CNTNAP2: variants seen among roughly 807,000 people sequenced by gnomAD.
The protein encoded by CNTNAP2 is contactin associated protein 2.
In CNTNAP2, 98 loss-of-function variants were observed where a neutral mutation model predicts 155.2. The observed-to-expected ratio is 0.63, with a 90% CI of 0.54 to 0.75. The LOEUF is 0.75. Among genes scored for constraint, CNTNAP2 ranks in the 30% least tolerant of loss-of-function variants. The pLI is 0.00. For missense variants in CNTNAP2, 1,727 were observed against 1,688.1 expected, an observed-to-expected ratio of 1.02 and a Z score of -0.40; for synonymous variants, 651 against 631.2, an observed-to-expected ratio of 1.03 and a Z score of -0.47.
At chr7:147,603,163 T>C (rs1800988850) in intron 12 of CNTNAP2, among the ~76,000 whole-genome samples, 1 of 151,724 alleles carries the variant, frequency 6.6e-6, no homozygotes, top group Admixed American at 6.6e-5. Context: ...TCCTGACTTT[T>C]TAATGATTGC....
chr7:147,531,175 G>T (rs1289000354), intron 11 of CNTNAP2, among the ~76,000 whole-genome samples: 2 of 152,182 alleles, frequency 1.3e-5, no homozygotes, highest in African/African-American at 2.4e-5. Flanking sequence ...GGAGTTGAGT[G>T]TCTGTGGCTT....
At chr7:146,914,558 A>T (rs1322500406) in intron 3 of CNTNAP2, among the ~76,000 whole-genome samples, 1 of 151,990 alleles carries the variant, frequency 6.6e-6, no homozygotes, top group East Asian at 1.9e-4. Flanking sequence ...AGTGATGTTG[A>T]GTATTTTTTC....
intron 14 of CNTNAP2, among the ~76,000 whole-genome samples, chr7:147,921,950 A>G (rs1211743192): frequency 6.6e-6 from 1 of 152,184 alleles, no homozygotes; most frequent in Non-Finnish European, 1.5e-5. Flanking sequence ...TAGAGCACAC[A>G]TTTTGCAAAT....
chr7:146,995,077 G>A (rs1293336091), intron 3 of CNTNAP2, among the ~76,000 whole-genome samples: 2 of 152,022 alleles, frequency 1.3e-5, no homozygotes, highest in African/African-American at 4.8e-5. Context: ...ATATGAGTGA[G>A]ATCATGTGAC....
At chr7:147,818,530 T>C (rs1348737492) in intron 13 of CNTNAP2, among the ~76,000 whole-genome samples, 2 of 152,190 alleles carry the variant, frequency 1.3e-5, no homozygotes, top group Admixed American at 1.3e-4. Context: ...AGATCTCCCA[T>C]GGGTGTCCTA....
At chr7:146,647,114 A>G (rs1420458116) in intron 1 of CNTNAP2, among the ~76,000 whole-genome samples, 1 of 152,170 alleles carries the variant, frequency 6.6e-6, no homozygotes, top group East Asian at 1.9e-4. Flanking sequence ...CAATGGGTGA[A>G]GGGATAACAA....
chr7:146,395,816 GATAGATA>G (rs1795614887), intron 1 of CNTNAP2, among the ~76,000 whole-genome samples: 1 of 141,242 alleles, frequency 7.1e-6, no homozygotes, highest in South Asian at 2.2e-4. Context: ...TAGATAGATA[GATAGATA>G]GAGGAGAGAG....
At position 148,415,619 on chromosome 7, in the gene CNTNAP2, G is replaced by T; in HGVS notation, c.*3G>T. 1 of 1,614,130 alleles carries T rather than the reference G, an allele frequency of 6.2e-7. No individual in the cohort carries two copies. Among genetic ancestry groups the T allele is most frequent in the South Asian group, 1.1e-5 (1 of 91,078 alleles). ...GCAAAAAGGAATGGCTCATTTGAGG[G>T]GTGGCTACTTGGCTATGGGATAGGG... On this transcript the variant is annotated 3_prime_UTR_variant, in exon 24 of 24. Transcript: ENST00000361727.
chr7:148,239,106 G>A (rs1167707785), intron 20 of CNTNAP2, among the ~76,000 whole-genome samples: 1 of 152,136 alleles, frequency 6.6e-6, no homozygotes, highest in African/African-American at 2.4e-5. Context: ...ATCTACTCTG[G>A]ATGATAAACT....
chr7:146,308,421 G>C (rs572572753), intron 1 of CNTNAP2, among the ~76,000 whole-genome samples: 2 of 152,112 alleles, frequency 1.3e-5, no homozygotes, highest in South Asian at 2.1e-4. Context: ...ACAGTGTGGC[G>C]ATTCCTCAGG....
chr7:146,441,574 T>C (rs1425494197), intron 1 of CNTNAP2, among the ~76,000 whole-genome samples: 1 of 151,502 alleles, frequency 6.6e-6, no homozygotes, highest in Non-Finnish European at 1.5e-5. Flanking sequence ...ATGAGTTCAT[T>C]GGCCTAAACC....
At chr7:147,581,503 G>A (rs978238906) in intron 12 of CNTNAP2, among the ~76,000 whole-genome samples, 6 of 152,156 alleles carry the variant, frequency 3.9e-5, no homozygotes, top group Non-Finnish European at 5.9e-5. Context: ...ACATAGCATG[G>A]CAAAATGAGT....
intron 12 of CNTNAP2, among the ~76,000 whole-genome samples, chr7:147,623,072 T>C (rs956688301): frequency 1.3e-5 from 2 of 151,772 alleles, no homozygotes; most frequent in African/African-American, 2.4e-5. Context: ...CAGGAAGAAA[T>C]CCAAAACCTG....
At chr7:147,380,096 C>T (rs1584912806) in intron 9 of CNTNAP2, among the ~76,000 whole-genome samples, 1 of 151,950 alleles carries the variant, frequency 6.6e-6, no homozygotes, top group East Asian at 1.9e-4. Flanking sequence ...TTTCTGTTTC[C>T]TATTATGTGA....
chr7:146,239,907 A>C (rs931739815), intron 1 of CNTNAP2, among the ~76,000 whole-genome samples: 2 of 152,186 alleles, frequency 1.3e-5, no homozygotes, highest in Admixed American at 6.5e-5. Flanking sequence ...AATTGGTTTA[A>C]TGGAAATAAA....
chr7:147,229,489 TCTATA>T (rs1404998898), intron 8 of CNTNAP2, among the ~76,000 whole-genome samples: 1 of 152,196 alleles, frequency 6.6e-6, no homozygotes. Flanking sequence ...AACAGAAACC[TCTATA>T]CTATAAGTTA....
At chr7:147,083,045 C>T (rs1563070006) in intron 4 of CNTNAP2, 1 of 152,194 alleles carries the variant, frequency 6.6e-6, no homozygotes, top group Non-Finnish European at 1.5e-5. Flanking sequence ...TCCTCTCTCG[C>T]TGTAGCTGAG....
At chr7:147,741,702 A>G (rs1796959454) in intron 13 of CNTNAP2, among the ~76,000 whole-genome samples, 1 of 152,180 alleles carries the variant, frequency 6.6e-6, no homozygotes, top group African/African-American at 2.4e-5. Flanking sequence ...ACCCTGGAGT[A>G]TAACAGTAAA....
intron 5 of CNTNAP2, among the ~76,000 whole-genome samples, chr7:147,113,425 C>G (rs978565152): frequency 2.0e-5 from 3 of 151,384 alleles, no homozygotes; most frequent in Non-Finnish European, 2.9e-5. Flanking sequence ...AAGAACTGCC[C>G]AAGACTGAGT....
Sources: allele counts gnomAD v4.1 joint callset (sites outside exome capture counted in the v4.1 genomes callset), GRCh38; gene constraint gnomAD v4.1.1; transcripts MANE v1.5; gene names NCBI Gene and HGNC (gene_info 2026-07-23, HGNC 2026-07-21).